PDSS2: variants seen among roughly 807,000 people sequenced by gnomAD.
The protein encoded by PDSS2 is decaprenyl diphosphate synthase subunit 2.
PDSS2 carries 31 observed loss-of-function variants against 44.5 expected under a neutral mutation model. The observed-to-expected ratio is 0.70, with a 90% CI of 0.52 to 0.94. The LOEUF (loss-of-function observed/expected upper bound fraction) is 0.94. PDSS2 is among the 40% of genes least tolerant of loss of function. The pLI, the probability that PDSS2 is intolerant of heterozygous loss-of-function variation, is 0.00. For synonymous variants in PDSS2, 157 were observed against 180.3 expected (o/e 0.87, Z 1.03); for missense variants, 452 against 482.2 (o/e 0.94, Z 0.59).
At chr6:107,401,912 A>G (rs1222157367) in intron 1 of PDSS2, among the ~76,000 whole-genome samples, 2 of 152,216 alleles carry the variant, frequency 1.3e-5, no homozygotes, top group Admixed American at 1.3e-4. Context: ...TGGGAGGCCA[A>G]GGCAGGCAAA....
intron 1 of PDSS2, among the ~76,000 whole-genome samples, chr6:107,339,442 G>A (rs2430457): frequency 0.94 from 143,678 of 152,280 alleles, 68,257 homozygotes; most frequent in East Asian, 1. Context: ...AAGACTGGAC[G>A]CCTTCTATAC....
intron 1 of PDSS2, among the ~76,000 whole-genome samples, chr6:107,342,186 TA>T (rs772609244): frequency 0.057 from 7,673 of 134,430 alleles, 218 homozygotes; most frequent in Non-Finnish European, 0.07. Flanking sequence ...AGAATAGTTC[TA>T]AAAAAAAAAA....
chr6:107,314,713 C>A (rs750205530), intron 2 of PDSS2, among the ~76,000 whole-genome samples: 8 of 152,148 alleles, frequency 5.3e-5, no homozygotes, highest in Non-Finnish European at 1.2e-4. Flanking sequence ...CAAATTAGTA[C>A]GCAAGGTTAA....
At chr6:107,294,013 G>A (rs1377877131) in intron 2 of PDSS2, among the ~76,000 whole-genome samples, 1 of 152,106 alleles carries the variant, frequency 6.6e-6, no homozygotes, top group East Asian at 1.9e-4. Context: ...GAGCAAGCAG[G>A]GGTTAGGAAA....
chr6:107,181,203 TAA>T (rs1398748149), intron 7 of PDSS2, among the ~76,000 whole-genome samples: 2 of 152,038 alleles, frequency 1.3e-5, no homozygotes, highest in East Asian at 3.8e-4. Context: ...TGAAGAAAAA[TAA>T]AAGAGATTTA....
chr6:107,208,206 G>A lies in PDSS2; in HGVS notation c.1008+2233C>T, dbSNP rs368320097. Among the ~76,000 whole-genome samples, 4 of 143,456 alleles carry A rather than the reference G, an allele frequency of 2.8e-5. No homozygotes were observed. The East Asian group carries it at 6.4e-4, about 23-fold the overall frequency. The allele number at this position is 143,456 out of a possible 152,430, so 94.1% of individuals were successfully genotyped here. On this transcript the variant is annotated intron_variant, in intron 6 of 7. Coordinates refer to ENST00000369037, the MANE Select transcript of PDSS2 (RefSeq NM_020381.4). ...TCACCATGTTGGTCAGGCTGGTCTC[G>A]AACTCCTGACCTCTGGTGATCCACC... is the stretch of plus-strand genomic sequence containing the variant.
chr6:107,212,038 T>C, intron 5 of PDSS2, 71 bp downstream of exon 5: 1 of 1,296,646 alleles, frequency 7.7e-7, no homozygotes, highest in Non-Finnish European at 1.1e-6. Flanking sequence ...GCTTATTAAA[T>C]GGCAAAAGGT....
chr6:107,184,786 C>T (rs1772105569), intron 7 of PDSS2, among the ~76,000 whole-genome samples: 1 of 151,632 alleles, frequency 6.6e-6, no homozygotes, highest in African/African-American at 2.4e-5. Context: ...AAATCTCTTA[C>T]ATTTGACAGA....
At chr6:107,400,738 G>A (rs1353965133) in intron 1 of PDSS2, among the ~76,000 whole-genome samples, 1 of 152,106 alleles carries the variant, frequency 6.6e-6, no homozygotes. Context: ...TGTTGCTCCA[G>A]GGGCTTGAAA....
At chr6:107,192,062 T>A (rs73523775) in intron 7 of PDSS2, among the ~76,000 whole-genome samples, 7,737 of 152,208 alleles carry the variant, frequency 0.051, 603 homozygotes, top group African/African-American at 0.17. Flanking sequence ...ATAAAGTCAT[T>A]AAACAACAGC....
intron 1 of PDSS2, among the ~76,000 whole-genome samples, chr6:107,357,352 G>C (rs1447055571): frequency 6.6e-6 from 1 of 152,132 alleles, no homozygotes; most frequent in Non-Finnish European, 1.5e-5. Context: ...CTATTAGCAT[G>C]AGAAAGCAAT....
chr6:107,339,224 CTG>C (rs1235398837), intron 1 of PDSS2, among the ~76,000 whole-genome samples: 2 of 152,230 alleles, frequency 1.3e-5, no homozygotes, highest in African/African-American at 2.4e-5. Flanking sequence ...TTTTCTTACT[CTG>C]TGATTCTATA....
intron 7 of PDSS2, among the ~76,000 whole-genome samples, chr6:107,159,027 C>T (rs1771017534): frequency 6.6e-6 from 1 of 152,118 alleles, no homozygotes; most frequent in Non-Finnish European, 1.5e-5. Flanking sequence ...CTGCGCCCGG[C>T]CTTAACTGTT....
intron 1 of PDSS2, among the ~76,000 whole-genome samples, chr6:107,456,952 T>C (rs1782064004): frequency 1.3e-5 from 2 of 152,230 alleles, no homozygotes; most frequent in African/African-American, 4.8e-5. Context: ...GTTACAATTC[T>C]TAAGTTGGGT....
intron 1 of PDSS2, among the ~76,000 whole-genome samples, chr6:107,449,442 T>C (rs1437768718): frequency 6.6e-6 from 1 of 152,146 alleles, no homozygotes; most frequent in Non-Finnish European, 1.5e-5. Context: ...CAACTCTCCA[T>C]TTCCCCCTTC....
chr6:107,205,685 G>A (rs1288063515), intron 6 of PDSS2, among the ~76,000 whole-genome samples: 4 of 152,162 alleles, frequency 2.6e-5, no homozygotes, highest in African/African-American at 9.7e-5. Flanking sequence ...TTGTGAAAGA[G>A]TGTGGTTGTG....
At chr6:107,273,683 C>A (rs187651319) in intron 3 of PDSS2, among the ~76,000 whole-genome samples, 30 of 152,150 alleles carry the variant, frequency 2.0e-4, no homozygotes, top group Middle Eastern at 3.4e-3. Context: ...CAAAAAAAGA[C>A]TACAAGGAAA....
At chr6:107,221,464 C>T (rs761087953) in intron 4 of PDSS2, among the ~76,000 whole-genome samples, 13 of 81,196 alleles carry the variant, frequency 1.6e-4, no homozygotes, top group Admixed American at 2.6e-4. Flanking sequence ...TTACTTTTGA[C>T]GGGATTTCCT....
intron 7 of PDSS2, among the ~76,000 whole-genome samples, chr6:107,169,153 T>G (rs571884994): frequency 2.0e-5 from 3 of 152,278 alleles, no homozygotes; most frequent in African/African-American, 7.2e-5. Context: ...TAGTCCCATA[T>G]TTCTCGGAGG....
Sources: gnomAD v4.1 joint callset for allele counts (sites outside exome capture counted in the v4.1 genomes callset) on GRCh38, gnomAD v4.1.1 for gene constraint, MANE v1.5 for transcripts, NCBI Gene and HGNC (gene_info 2026-07-23, HGNC 2026-07-21) for gene names.